Variants in KCNMB4 observed in about 807,000 individuals in gnomAD.
KCNMB4 encodes potassium calcium-activated channel subfamily M regulatory beta subunit 4.
A neutral mutation model predicts 20.7 loss-of-function variants in KCNMB4; 3 were observed. That is an observed-to-expected ratio of 0.14 (90% CI 0.07 to 0.37). The LOEUF (loss-of-function observed/expected upper bound fraction) is 0.37. Among genes scored for constraint, KCNMB4 ranks in the 10% least tolerant of loss-of-function variants. The pLI, the probability that KCNMB4 is intolerant of heterozygous loss-of-function variation, is 1.00. For synonymous variants in KCNMB4, 110 were observed against 113.4 expected (o/e 0.97, Z 0.19); for missense variants, 168 against 265.9 (o/e 0.63, Z 2.56).
chr12:70,401,029 AT>A (rs1565861083), intron 2 of KCNMB4, among the ~76,000 whole-genome samples: 1 of 151,820 alleles, frequency 6.6e-6, no homozygotes, highest in African/African-American at 2.4e-5. Flanking sequence ...ACCATCATGT[AT>A]TTTTGTTTGT....
intron 1 of KCNMB4, among the ~76,000 whole-genome samples, chr12:70,382,432 C>CAAAA (rs397796979): frequency 4.5e-5 from 4 of 87,940 alleles, no homozygotes; most frequent in Non-Finnish European, 9.0e-5. Context: ...GACTCCGTCT[C>CAAAA]AAAAAAAAAA....
intron 2 of KCNMB4, among the ~76,000 whole-genome samples, chr12:70,406,277 T>C (rs1487289631): frequency 1.3e-5 from 2 of 152,046 alleles, no homozygotes; most frequent in African/African-American, 2.4e-5. Flanking sequence ...ACTTAAAAAT[T>C]GAAGAGGGTA....
intron 2 of KCNMB4, among the ~76,000 whole-genome samples, chr12:70,429,456 G>A (rs980476211): frequency 6.6e-6 from 1 of 152,162 alleles, no homozygotes; most frequent in African/African-American, 2.4e-5. Context: ...CACGAGGTCA[G>A]GAGATCGAGA....
chr12:70,370,036 A>G (rs1374776876), intron 1 of KCNMB4, among the ~76,000 whole-genome samples: 4 of 152,290 alleles, frequency 2.6e-5, no homozygotes, highest in South Asian at 2.1e-4. Flanking sequence ...TAGAATCACC[A>G]GGGGAACTTT....
At chr12:70,395,411 T>G (rs1473133365) in intron 1 of KCNMB4, among the ~76,000 whole-genome samples, 1 of 152,192 alleles carries the variant, frequency 6.6e-6, no homozygotes, top group Non-Finnish European at 1.5e-5. Flanking sequence ...AAGTTAATTC[T>G]GCCTACTCTG....
chr12:70,382,984 A>G (rs966049892), intron 1 of KCNMB4, among the ~76,000 whole-genome samples: 2 of 152,242 alleles, frequency 1.3e-5, no homozygotes, highest in Non-Finnish European at 2.9e-5. Flanking sequence ...ACAAACCTGT[A>G]CTATGAGTGT....
At chr12:70,398,248 G>A (rs1201967491) in intron 1 of KCNMB4, among the ~76,000 whole-genome samples, 1 of 151,948 alleles carries the variant, frequency 6.6e-6, no homozygotes, top group African/African-American at 2.4e-5. Flanking sequence ...CCTTCTGCTG[G>A]GTTCTTTCTT....
At chr12:70,429,147 A>C (rs1204276397) in intron 2 of KCNMB4, among the ~76,000 whole-genome samples, 1 of 152,218 alleles carries the variant, frequency 6.6e-6, no homozygotes, top group Non-Finnish European at 1.5e-5. Context: ...TGGGTTCTGA[A>C]TTATGAGAGC....
intron 2 of KCNMB4, among the ~76,000 whole-genome samples, chr12:70,400,851 C>A (rs968376847): frequency 9.2e-5 from 14 of 152,152 alleles, no homozygotes; most frequent in African/African-American, 3.4e-4. Flanking sequence ...ATTCACAATT[C>A]CTTGCTGTAC....
At chr12:70,411,829 T>C (rs1474944872) in intron 2 of KCNMB4, among the ~76,000 whole-genome samples, 2 of 152,118 alleles carry the variant, frequency 1.3e-5, no homozygotes, top group Non-Finnish European at 2.9e-5. Context: ...AAATAGATAA[T>C]ACTGTGCGTG....
chr12:70,412,074 T>C (rs997678871), intron 2 of KCNMB4, among the ~76,000 whole-genome samples: 5 of 152,050 alleles, frequency 3.3e-5, no homozygotes, highest in Admixed American at 2.0e-4. Context: ...ACATAGGACT[T>C]GAAGGAAGTG....
At chr12:70,427,240 T>C (rs1184813002) in intron 2 of KCNMB4, among the ~76,000 whole-genome samples, 2 of 152,212 alleles carry the variant, frequency 1.3e-5, no homozygotes, top group African/African-American at 4.8e-5. Context: ...GAAAACTGCC[T>C]GCCTGATAAA....
chr12:70,424,479 G>T (rs1033725717), intron 2 of KCNMB4, among the ~76,000 whole-genome samples: 2 of 150,952 alleles, frequency 1.3e-5, no homozygotes, highest in Non-Finnish European at 2.9e-5. Flanking sequence ...GCTGGGTGCG[G>T]CAGGGCATGC....
intron 1 of KCNMB4, among the ~76,000 whole-genome samples, chr12:70,370,895 T>C (rs563384614): frequency 6.6e-6 from 1 of 151,964 alleles, no homozygotes; most frequent in South Asian, 2.1e-4. Flanking sequence ...CTCATTCTGT[T>C]GTCCAGGCTG....
intron 1 of KCNMB4, among the ~76,000 whole-genome samples, chr12:70,396,649 C>T (rs1868354304): frequency 6.6e-6 from 1 of 152,120 alleles, no homozygotes; most frequent in South Asian, 2.1e-4. Flanking sequence ...TTTCCTCATC[C>T]AAAAATGGAA....
chr12:70,376,350 A>C (rs1446684340), intron 1 of KCNMB4, among the ~76,000 whole-genome samples: 1 of 152,104 alleles, frequency 6.6e-6, no homozygotes, highest in Non-Finnish European at 1.5e-5. Context: ...AGCCAGGGGC[A>C]GTTAAGCAAG....
intron 2 of KCNMB4, among the ~76,000 whole-genome samples, chr12:70,412,950 A>G (rs1241522046): frequency 1.4e-4 from 22 of 152,340 alleles, no homozygotes; most frequent in Admixed American, 9.1e-4. Context: ...ATTAAACCCA[A>G]TGATATATCC....
At chr12:70,414,687 A>G (rs766005271) in intron 2 of KCNMB4, among the ~76,000 whole-genome samples, 13 of 152,232 alleles carry the variant, frequency 8.5e-5, no homozygotes, top group Non-Finnish European at 1.8e-4. Context: ...ATTGATTCAT[A>G]TGGAGCTTAT....
At chr12:70,382,304 G>A (rs1883801529) in intron 1 of KCNMB4, among the ~76,000 whole-genome samples, 1 of 151,188 alleles carries the variant, frequency 6.6e-6, no homozygotes, top group Admixed American at 6.6e-5. Flanking sequence ...GCAGTGGCGG[G>A]CGCCTGTAGT....
Sources: allele counts gnomAD v4.1 joint callset (sites outside exome capture counted in the v4.1 genomes callset), GRCh38; gene constraint gnomAD v4.1.1; transcripts MANE v1.5; gene names NCBI Gene and HGNC (gene_info 2026-07-23, HGNC 2026-07-21).